The following POLR2H variants were observed in gnomAD, a reference collection of about 807,000 sequenced individuals.
POLR2H encodes DNA-directed RNA polymerases I, II, and III subunit RPABC3.
A neutral mutation model predicts 18.1 loss-of-function variants in POLR2H; 3 were observed. The observed-to-expected ratio is 0.17, with a 90% CI of 0.08 to 0.43. POLR2H has a LOEUF of 0.43. POLR2H is among the 20% of genes least tolerant of loss of function. POLR2H has a pLI of 0.99. For missense variants in POLR2H, 103 were observed against 184.6 expected (o/e 0.56, Z 2.56); for synonymous variants, 76 against 69.0 (o/e 1.10, Z -0.50).
Position 184,363,239 on chromosome 3 carries a change from T to G in POLR2H, c.-254T>G, listed in dbSNP as rs759173099. ...CGCCCTGGGCAGAGCCACCTGGACA[T>G]GAGACCCGCCCTCAATGCCGAAGCC... On this transcript the variant is annotated 5_prime_UTR_variant, in exon 2 of 6. An upstream start codon of the reference 5' UTR is lost. Transcript: ENST00000456318. 10 of 552,370 alleles carry G rather than the reference T, an allele frequency of 1.8e-5. No homozygotes were observed. Among genetic ancestry groups the G allele is most frequent in the Admixed American group, 5.8e-5 (2 of 34,336 alleles). The allele number at this position is 552,370 out of a possible 1,614,324, so 34.2% of individuals were successfully genotyped here.
chr3:184,364,918 G>A (rs1191822756), intron 2 of POLR2H, 48 bp from the exon 3 acceptor site: 5 of 1,269,138 alleles, frequency 3.9e-6, no homozygotes, highest in East Asian at 2.3e-5. Context: ...CACACTGTAG[G>A]ATCTGCCTTG....
chr3:184,364,976 G>A lies in POLR2H; in HGVS notation c.84G>A (p.Leu28=). ...CCTGCTTCTCCCCAGTGTCTCGACT[G>A]CATTGTGAGAGTGAATCTTTCAAGA... ...EGKKFDRVSR[L]HCESESFKMD... The change falls in exon 3 of 6, where the codon CTG becomes CTA. Residue 28 remains leucine, a synonymous_variant. Transcript: ENST00000456318. 6.2e-7 allele frequency: 1 copy of A among 1,609,434 alleles called. No individual in the cohort carries two copies. The highest frequency in any genetic ancestry group is 8.5e-7 in the Non-Finnish European group (1 of 1,175,622).
intron 4 of POLR2H, among the ~76,000 whole-genome samples, chr3:184,365,797 C>T (rs1713146253): frequency 6.6e-6 from 1 of 151,628 alleles, no homozygotes; most frequent in South Asian, 2.1e-4. Flanking sequence ...AACGGTGAAA[C>T]CCCGTCTCTA....
intron 5 of POLR2H, among the ~76,000 whole-genome samples, chr3:184,367,734 C>T (rs2108610617): frequency 6.6e-6 from 1 of 152,248 alleles, no homozygotes; most frequent in Admixed American, 6.5e-5. Flanking sequence ...TCGTGATCCG[C>T]CCGCCTCAGC....
chr3:184,367,733 G>A (rs1271864489), intron 5 of POLR2H, among the ~76,000 whole-genome samples: 6 of 151,832 alleles, frequency 4.0e-5, no homozygotes, highest in South Asian at 2.1e-4. Context: ...CTCGTGATCC[G>A]CCCGCCTCAG....
intron 5 of POLR2H, among the ~76,000 whole-genome samples, chr3:184,367,269 G>A (rs1339681411): frequency 6.6e-6 from 1 of 151,854 alleles, no homozygotes; most frequent in Non-Finnish European, 1.5e-5. Context: ...CTTTTTGTAA[G>A]TAATTTGAAA....
rs775238845 is a variant in POLR2H at position 184,363,264 on chromosome 3, C to G, written c.-229C>G. 6.8e-6 allele frequency: 4 copies of G among 589,424 alleles called. No individual in the cohort carries two copies. The highest frequency in any genetic ancestry group is 1.2e-5 in the Non-Finnish European group (4 of 325,768). 36.5% of individuals were successfully genotyped at this position (589,424 alleles called of 1,614,324 possible). ...TGAGACCCGCCCTCAATGCCGAAGC[C>G]TCTCGGAAGCAATCTTTCGGGACGG... On this transcript the variant is annotated 5_prime_UTR_variant, in exon 2 of 6. Coordinates refer to ENST00000456318, the MANE Select transcript of POLR2H (RefSeq NM_006232.5).
intron 5 of POLR2H, among the ~76,000 whole-genome samples, chr3:184,367,603 C>T (rs1451663482): frequency 6.6e-6 from 1 of 151,922 alleles, no homozygotes; most frequent in Non-Finnish European, 1.5e-5. Context: ...TCTCCTGCCT[C>T]AGCCTCCTGA....
chr3:184,363,688 C>T (rs1044012704), intron 2 of POLR2H, 123 bp downstream of exon 2: 3 of 677,740 alleles, frequency 4.4e-6, no homozygotes, highest in African/African-American at 1.8e-5. Flanking sequence ...GTAGGGACCT[C>T]CCTCAGTAAA....
chr3:184,367,527 C>G (rs1560277783), intron 5 of POLR2H, among the ~76,000 whole-genome samples: 1 of 149,286 alleles, frequency 6.7e-6, no homozygotes, highest in Non-Finnish European at 1.5e-5. Flanking sequence ...TGCTGTGTTG[C>G]CCAGCCTGGA....
At chr3:184,364,854 A>G (rs1334969066) in intron 2 of POLR2H, 112 bp from the exon 3 acceptor site, 1 of 724,060 alleles carries the variant, frequency 1.4e-6, no homozygotes, top group African/African-American at 1.7e-5. Flanking sequence ...AGAGCAGATG[A>G]GAGACCACTG....
At chr3:184,367,536 G>C (rs1356533208) in intron 5 of POLR2H, among the ~76,000 whole-genome samples, 4 of 151,090 alleles carry the variant, frequency 2.6e-5, no homozygotes, top group Admixed American at 1.3e-4. Context: ...GCCCAGCCTG[G>C]AGTGCAGTGG....
chr3:184,366,354 T>G (rs1428404491), intron 4 of POLR2H, among the ~76,000 whole-genome samples: 1 of 151,542 alleles, frequency 6.6e-6, no homozygotes, highest in Non-Finnish European at 1.5e-5. Flanking sequence ...TTTTTTTTTT[T>G]TGAGACGGAG....
At position 184,364,536 on chromosome 3, in the gene POLR2H, T is replaced by G. The variant is rs150564259; in HGVS notation, c.74-430T>G. On this transcript the variant is annotated intron_variant, in intron 2 of 5. Coordinates refer to ENST00000456318, the MANE Select transcript of POLR2H (RefSeq NM_006232.5). ...AGCCACTGCACCGGCCTACACCTCT[T>G]TATTTTGTCATCTATCAATAATTTT... 3.7e-3 allele frequency: 641 copies of G among 171,342 alleles called. 5 individuals carry two copies. Among genetic ancestry groups the G allele is most frequent in the African/African-American group, 0.015 (613 of 41,918 alleles). 10.6% of individuals were successfully genotyped at this position (171,342 alleles called of 1,614,324 possible). A position where few individuals can be genotyped will look rare whatever the true frequency, so the allele number is the denominator to read the frequency against.
rs538440740 is a variant in POLR2H, at chr3:184,368,378, C to T, written c.*84C>T. On this transcript the variant is annotated 3_prime_UTR_variant, in exon 6 of 6. Transcript: ENST00000456318. Reference sequence around the variant, plus strand: ...CTGAGTGGCAGCCGCTCTTGCTCACCTGTTGAGGAAGGGCTGGCTCACTGT... The same window carrying T: ...CTGAGTGGCAGCCGCTCTTGCTCACTTGTTGAGGAAGGGCTGGCTCACTGT... The T allele has an allele frequency of 6.0e-5, 71 of 1,191,388 alleles. No individual in the cohort carries two copies. The East Asian group carries it at 1.7e-3, about 28-fold the overall frequency. 73.8% of individuals were successfully genotyped at this position (1,191,388 alleles called of 1,614,324 possible). A position where few individuals can be genotyped will look rare whatever the true frequency, so the allele number is the denominator to read the frequency against.
chr3:184,363,076 G>C lies in POLR2H; in HGVS notation c.-417G>C, dbSNP rs1712521254. 1.1e-5 allele frequency: 3 copies of C among 262,318 alleles called. No individual in the cohort carries two copies. Among genetic ancestry groups the C allele is most frequent in the South Asian group, 6.8e-5 (2 of 29,514 alleles). 16.2% of individuals were successfully genotyped at this position (262,318 alleles called of 1,614,324 possible). ...ACCGGCGGGGTAGGGCTAGGGCCCG[G>C]CTTCTCTGGGCCAAGGATCAAGGTC... On this transcript the variant is annotated 5_prime_UTR_variant, in exon 2 of 6. Transcript: ENST00000456318.
intron 2 of POLR2H, 60 bp downstream of exon 2, chr3:184,363,625 G>C (rs1712707644): frequency 7.3e-7 from 1 of 1,374,968 alleles, no homozygotes; most frequent in African/African-American, 1.4e-5. Flanking sequence ...ACATGCCCCT[G>C]GGCCCCGTGT....
chr3:184,365,398 C>T, intron 4 of POLR2H, 172 bp downstream of exon 4: 1 of 621,228 alleles, frequency 1.6e-6, no homozygotes, highest in Non-Finnish European at 2.9e-6. Context: ...CCGTGGCTCA[C>T]ACCTGTAACC....
In POLR2H at chr3:184,363,578, T is replaced by TAC; in HGVS notation, c.73+13_73+14insAC. The TAC allele has an allele frequency of 6.2e-7, 1 of 1,610,640 alleles. No homozygotes were observed. Among genetic ancestry groups the TAC allele is most frequent in the Non-Finnish European group, 8.5e-7 (1 of 1,176,972 alleles). On this transcript the variant is annotated intron_variant, in intron 2 of 5. Transcript: ENST00000456318. ...AAGTTTGACCGAGGTAAGTAAGGTA[T>TAC]GTAGGGGCGGTTTGGAGGAAGAGGC...
Sources: gnomAD v4.1 joint callset for allele counts (sites outside exome capture counted in the v4.1 genomes callset) on GRCh38, gnomAD v4.1.1 for gene constraint, MANE v1.5 for transcripts, NCBI Gene and HGNC (gene_info 2026-07-23, HGNC 2026-07-21) for gene names.